Variants in DSE observed in about 807,000 individuals in gnomAD.
The protein encoded by DSE is dermatan sulfate epimerase, also known as dermatan-sulfate epimerase.
DSE carries 36 observed loss-of-function variants against 84.4 expected under a neutral mutation model. The observed-to-expected ratio is 0.43, with a 90% CI of 0.33 to 0.56. DSE has a LOEUF of 0.56. DSE is among the 20% of genes least tolerant of loss of function. The pLI, the probability that DSE is intolerant of heterozygous loss-of-function variation, is 0.06. For missense variants in DSE, 862 were observed against 1,169.6 expected, an observed-to-expected ratio of 0.74 and a Z score of 3.84; for synonymous variants, 410 against 430.1, an observed-to-expected ratio of 0.95 and a Z score of 0.58.
At chr6:116,423,834 C>G (rs978554903) in intron 2 of DSE, among the ~76,000 whole-genome samples, 10 of 152,140 alleles carry the variant, frequency 6.6e-5, no homozygotes, top group African/African-American at 2.4e-4. Flanking sequence ...TACAGGTCAG[C>G]TTTTCTAATG....
intron 2 of DSE, among the ~76,000 whole-genome samples, chr6:116,300,773 G>T (rs979373533): frequency 3.3e-5 from 5 of 152,112 alleles, no homozygotes; most frequent in Admixed American, 1.3e-4. Context: ...TAAAGTTTCA[G>T]TTCAGGGAAA....
At chr6:116,289,788 T>G (rs1273083322) in intron 2 of DSE, among the ~76,000 whole-genome samples, 3 of 152,106 alleles carry the variant, frequency 2.0e-5, no homozygotes, top group African/African-American at 7.2e-5. Flanking sequence ...TAACACTTCA[T>G]CCATTAGCTG....
At chr6:116,255,025 C>T (rs1396496760) in intron 1 of DSE, 1 of 152,094 alleles carries the variant, frequency 6.6e-6, no homozygotes, top group Non-Finnish European at 1.5e-5. Flanking sequence ...ATTGTCTATT[C>T]GAGTCAGTTA....
chr6:116,325,194 T>C (rs987266117), intron 2 of DSE, among the ~76,000 whole-genome samples: 11 of 152,242 alleles, frequency 7.2e-5, no homozygotes, highest in Non-Finnish European at 1.6e-4. Context: ...GTGGATTTTC[T>C]GCAAAAGAAA....
At chr6:116,270,396 A>C (rs1204992451) in intron 2 of DSE, among the ~76,000 whole-genome samples, 1 of 152,186 alleles carries the variant, frequency 6.6e-6, no homozygotes, top group East Asian at 1.9e-4. Flanking sequence ...GAGTTTGGTG[A>C]AGAGGATGAT....
chr6:116,306,278 A>G lies in DSE; in HGVS notation c.-54+47311A>G, dbSNP rs185841588. On this transcript the variant is annotated intron_variant, in intron 2 of 3. Transcript: ENST00000430252. ...TAAAAACTCAATTTTTAGATATTGAACTTATGTAACTGTTATCCAAACAAC... is the reference window on the plus strand; with the variant it reads ...TAAAAACTCAATTTTTAGATATTGAGCTTATGTAACTGTTATCCAAACAAC... Among the ~76,000 whole-genome samples the G allele has an allele frequency of 2.4e-3, 362 of 152,334 alleles. 3 individuals are homozygous for G. The highest frequency in any genetic ancestry group is 7.2e-3 in the Admixed American group (110 of 15,294).
intron 2 of DSE, among the ~76,000 whole-genome samples, chr6:116,317,124 C>T (rs540717065): frequency 6.6e-6 from 1 of 152,318 alleles, no homozygotes; most frequent in East Asian, 1.9e-4. Flanking sequence ...GACTGCTGTT[C>T]AGTTCCATGA....
rs570683278 is a variant in DSE, at chr6:116,372,536, A to G, written c.-54+1415A>G. Among the ~76,000 whole-genome samples the G allele has an allele frequency of 2.0e-4, 30 of 152,330 alleles. 1 individual carries two copies. In the South Asian group the frequency reaches 2.5e-3, roughly 13 times the overall value. On this transcript the variant is annotated intron_variant, in intron 1 of 5. Coordinates refer to ENST00000644252, the MANE Select transcript of DSE (RefSeq NM_013352.4). Reference sequence around the variant, plus strand: ...CAATATTGTATAGAGTATTCTAACTATATTACTAAATGGGATCACAAAAAA... The same window carrying G: ...CAATATTGTATAGAGTATTCTAACTGTATTACTAAATGGGATCACAAAAAA...
intron 1 of DSE, among the ~76,000 whole-genome samples, chr6:116,388,180 A>G (rs552229474): frequency 1.3e-5 from 2 of 152,260 alleles, no homozygotes; most frequent in Admixed American, 6.5e-5. Context: ...TGCCATTTGC[A>G]CTCTGGAGAC....
rs763127114 is a variant in DSE, at chr6:116,436,213, C to T, written c.1745C>T (p.Thr582Ile). ...CTGGGAGAGGAGAGTCCCTTGGAGA[C>T]AGCAGCGAGCTTCTTCCATAATGTG... ...IHLGEESPLE[T>I]AASFFHNVDV... The change falls in exon 6 of 6, where the codon ACA (threonine) becomes ATA (isoleucine). Residue 582 changes from threonine (T) to isoleucine (I), a missense_variant. By Grantham distance (89) the Thr-to-Ile change is moderately conservative. Transcript: ENST00000644252. 8 of 1,613,932 alleles carry T rather than the reference C, an allele frequency of 5.0e-6. No individual in the cohort carries two copies. The highest frequency in any genetic ancestry group is 1.7e-5 in the Admixed American group (1 of 59,978).
intron 1 of DSE, among the ~76,000 whole-genome samples, chr6:116,391,690 A>T (rs1320523202): frequency 2.0e-5 from 3 of 150,086 alleles, no homozygotes; most frequent in African/African-American, 7.3e-5. Flanking sequence ...GCATGAACCT[A>T]GGAGGTGGAG....
At chr6:116,374,654 G>A (rs75930794) in intron 1 of DSE, among the ~76,000 whole-genome samples, 6,331 of 152,238 alleles carry the variant, frequency 0.042, 223 homozygotes, top group African/African-American at 0.094. Flanking sequence ...TGCATCTGGG[G>A]AGGGCTTTCT....
chr6:116,317,651 C>T (rs1420844547), intron 2 of DSE, among the ~76,000 whole-genome samples: 1 of 152,158 alleles, frequency 6.6e-6, no homozygotes, highest in African/African-American at 2.4e-5. Flanking sequence ...CATACAAATA[C>T]ACACATACAC....
intron 2 of DSE, among the ~76,000 whole-genome samples, chr6:116,267,634 T>G (rs1209895893): frequency 6.6e-6 from 1 of 152,182 alleles, no homozygotes; most frequent in Non-Finnish European, 1.5e-5. Flanking sequence ...AGAAAAATTT[T>G]TTTATAAACT....
intron 2 of DSE, among the ~76,000 whole-genome samples, chr6:116,265,952 G>C (rs140867178): frequency 9.2e-5 from 14 of 152,130 alleles, no homozygotes; most frequent in Non-Finnish European, 1.9e-4. Flanking sequence ...CTGCCACCTT[G>C]AGTGTCCATG....
chr6:116,268,998 C>T (rs1772756604), intron 2 of DSE, among the ~76,000 whole-genome samples: 1 of 149,004 alleles, frequency 6.7e-6, no homozygotes, highest in Non-Finnish European at 1.5e-5. Context: ...TAGTTATGAT[C>T]ACTGCCTGTG....
At chr6:116,313,500 A>G (rs1347499717) in intron 2 of DSE, among the ~76,000 whole-genome samples, 1 of 152,232 alleles carries the variant, frequency 6.6e-6, no homozygotes, top group Non-Finnish European at 1.5e-5. Flanking sequence ...ATTTAGTAAT[A>G]ATGATTGGTT....
intron 1 of DSE, among the ~76,000 whole-genome samples, chr6:116,387,950 A>G (rs1441195374): frequency 1.3e-5 from 2 of 152,160 alleles, no homozygotes; most frequent in African/African-American, 4.8e-5. Flanking sequence ...AGTGAGTACT[A>G]GGAAAGGGAT....
chr6:116,300,543 C>T (rs1738130868), intron 2 of DSE, among the ~76,000 whole-genome samples: 1 of 152,174 alleles, frequency 6.6e-6, no homozygotes. Context: ...TGCTTCATGA[C>T]ATATATTATC....
Sources: gnomAD v4.1 joint callset for allele counts (sites outside exome capture counted in the v4.1 genomes callset) on GRCh38, gnomAD v4.1.1 for gene constraint, MANE v1.5 for transcripts, NCBI Gene and HGNC (gene_info 2026-07-23, HGNC 2026-07-21) for gene names.